TRAK2: variants seen among roughly 807,000 people sequenced by gnomAD.
The protein encoded by TRAK2 is trafficking kinesin-binding protein 2.
A neutral mutation model predicts 104.6 loss-of-function variants in TRAK2; 81 were observed. The observed-to-expected ratio is 0.77, with a 90% CI of 0.65 to 0.93. The LOEUF (loss-of-function observed/expected upper bound fraction) is 0.93, where lower values mean the gene tolerates loss of function less well. TRAK2 is among the 40% of genes least tolerant of loss of function. TRAK2 has a pLI of 0.00. For synonymous variants in TRAK2, 406 were observed against 394.4 expected, an observed-to-expected ratio of 1.03 and a Z score of -0.35; for missense variants, 1,002 against 1,089.0, an observed-to-expected ratio of 0.92 and a Z score of 1.12.
At position 201,379,683 on chromosome 2, in the gene TRAK2, A is replaced by C. The variant is rs953066037; in HGVS notation, c.*860T>G. 1 of 152,582 alleles carries C rather than the reference A, an allele frequency of 6.6e-6. No individual in the cohort carries two copies. The allele number at this position is 152,582 out of a possible 1,614,324, so 9.5% of individuals were successfully genotyped here. ...CAGCCTCCAAGGAATTTTTAAAAACATGCAATTATGTTTGTATTCCTTGGC... is the reference window on the plus strand; with the variant it reads ...CAGCCTCCAAGGAATTTTTAAAAACCTGCAATTATGTTTGTATTCCTTGGC... On this transcript the variant is annotated 3_prime_UTR_variant, in exon 16 of 16. Transcript: ENST00000332624.
At chr2:201,441,198 G>A (rs576730961) in intron 1 of TRAK2, among the ~76,000 whole-genome samples, 18 of 152,318 alleles carry the variant, frequency 1.2e-4, no homozygotes, top group African/African-American at 3.8e-4. Context: ...GAAAAAATCT[G>A]CATAAAAGAG....
At chr2:201,411,254 T>C in intron 2 of TRAK2, 1 of 733,454 alleles carries the variant, frequency 1.4e-6, no homozygotes, top group Non-Finnish European at 2.5e-6. Context: ...TCAACTTCTA[T>C]GCCTGCTCTT....
intron 3 of TRAK2, among the ~76,000 whole-genome samples, chr2:201,402,859 G>A (rs1455604251): frequency 6.6e-6 from 1 of 152,150 alleles, no homozygotes; most frequent in East Asian, 1.9e-4. Flanking sequence ...CTGTGGCGCT[G>A]GTAGTATGCA....
Position 201,380,896 on chromosome 2 carries a change from G to A in TRAK2, c.2392C>T (p.Leu798Phe). ...CGAGAGGCCAAAAAATTTTCAGAGA[G>A]ATGCACTCGAGGCTCAAAGGGTAAA... The part of the protein sequence containing the change: ...SPLPFEPRVH[L>F]SENFLASRPA... Residue 798 changes from leucine to phenylalanine, a missense_variant, in exon 16 of 16, where the codon CTC (leucine) becomes TTC (phenylalanine). By Grantham distance (22) the Leu-to-Phe change is conservative. Transcript: ENST00000332624. The A allele has an allele frequency of 6.2e-7, 1 of 1,614,108 alleles. No homozygotes were observed. Among genetic ancestry groups the A allele is most frequent in the Non-Finnish European group, 8.5e-7 (1 of 1,180,002 alleles).
At chr2:201,429,963 T>G (rs549987972) in intron 1 of TRAK2, among the ~76,000 whole-genome samples, 1 of 152,296 alleles carries the variant, frequency 6.6e-6, no homozygotes, top group Admixed American at 6.5e-5. Flanking sequence ...CTCCCTATCT[T>G]TGCGGTTTTA....
intron 2 of TRAK2, among the ~76,000 whole-genome samples, chr2:201,418,912 G>GA (rs1297722088): frequency 4.6e-5 from 7 of 152,158 alleles, no homozygotes; most frequent in African/African-American, 1.7e-4. Context: ...AAAGACACCA[G>GA]TAAGAAGATG....
intron 7 of TRAK2, 118 bp downstream of exon 7, chr2:201,397,384 C>A: frequency 1.6e-6 from 1 of 608,142 alleles, no homozygotes; most frequent in African/African-American, 1.8e-5. Flanking sequence ...TTTCAGTAAC[C>A]ATTTAAAATT....
In TRAK2 at chr2:201,447,671, G is replaced by A. The variant is rs113153713; in HGVS notation, c.-200+3679C>T. Among the ~76,000 whole-genome samples the A allele has an allele frequency of 1.3e-5, 2 of 152,064 alleles. No individual in the cohort carries two copies. Among genetic ancestry groups the A allele is most frequent in the African/African-American group, 4.8e-5 (2 of 41,404 alleles). ...AGACTGGATTAGAACCCACCCTAAC[G>A]GCTTCATCTGAACTTAATCACCCCA... On this transcript the variant is annotated intron_variant, in intron 1 of 15. Coordinates refer to ENST00000332624, the MANE Select transcript of TRAK2 (RefSeq NM_015049.3). This position sits in a 1 kb window ranked among gnomAD's most constrained non-coding sequence, Gnocchi z 4.1.
chr2:201,440,215 A>AT lies in TRAK2; in HGVS notation c.-200+11134dup, dbSNP rs956674446. Among the ~76,000 whole-genome samples, 131 of 149,798 alleles carry AT rather than the reference A, an allele frequency of 8.7e-4. 1 individual carries two copies. The highest frequency in any genetic ancestry group is 2.6e-3 in the African/African-American group (108 of 40,888). On this transcript the variant is annotated intron_variant, in intron 1 of 15. Transcript: ENST00000332624. ...CTATAGTAAATAATCCCAAATTGCTATTTTTTTTTTAAGATTTTAAGCCCA... is the reference window on the plus strand; with the variant it reads ...CTATAGTAAATAATCCCAAATTGCTATTTTTTTTTTTAAGATTTTAAGCCCA...
chr2:201,386,619 T>A, intron 13 of TRAK2, 135 bp from the exon 14 acceptor site: 1 of 1,210,688 alleles, frequency 8.3e-7, no homozygotes, highest in Non-Finnish European at 1.1e-6. Context: ...AATAATTTGG[T>A]AAAAGCTGCA....
intron 11 of TRAK2, 85 bp downstream of exon 11, chr2:201,389,715 CT>C (rs1238706794): frequency 7.9e-7 from 1 of 1,263,954 alleles, no homozygotes; most frequent in Admixed American, 2.1e-5. Flanking sequence ...ACTACTGAAT[CT>C]CGTAATACTT....
intron 7 of TRAK2, among the ~76,000 whole-genome samples, chr2:201,396,509 C>G (rs984631807): frequency 6.6e-6 from 1 of 152,094 alleles, no homozygotes; most frequent in African/African-American, 2.4e-5. Flanking sequence ...GTACTGAACT[C>G]TATACTGTAT....
chr2:201,418,500 A>G (rs1028412058), intron 2 of TRAK2, among the ~76,000 whole-genome samples: 2 of 152,166 alleles, frequency 1.3e-5, no homozygotes, highest in African/African-American at 4.8e-5. Flanking sequence ...AAAGTTGGAG[A>G]ATTTATATTA....
At chr2:201,388,531 A>C (rs993432482) in intron 12 of TRAK2, among the ~76,000 whole-genome samples, 1 of 152,240 alleles carries the variant, frequency 6.6e-6, no homozygotes, top group Admixed American at 6.5e-5. Flanking sequence ...AAAAGGAAAC[A>C]ACAAAATTTG....
intron 1 of TRAK2, among the ~76,000 whole-genome samples, chr2:201,435,117 C>G (rs566520678): frequency 6.6e-6 from 1 of 152,246 alleles, no homozygotes; most frequent in African/African-American, 2.4e-5. Flanking sequence ...AGTGCAGTGG[C>G]ATGATCTCCA....
chr2:201,430,706 G>T (rs1189858467), intron 1 of TRAK2, among the ~76,000 whole-genome samples: 2 of 152,186 alleles, frequency 1.3e-5, no homozygotes, highest in South Asian at 4.1e-4. Context: ...GGAGTGTCCC[G>T]ATTTTCCAGG....
At chr2:201,439,992 A>G (rs1951907850) in intron 1 of TRAK2, among the ~76,000 whole-genome samples, 1 of 147,754 alleles carries the variant, frequency 6.8e-6, no homozygotes, top group Admixed American at 6.8e-5. Context: ...CTAAATGATG[A>G]GTTAATGGGT....
chr2:201,387,114 A>C (rs143920771), intron 13 of TRAK2, among the ~76,000 whole-genome samples: 2 of 152,350 alleles, frequency 1.3e-5, no homozygotes, highest in Non-Finnish European at 2.9e-5. Context: ...AGGGGTCTTT[A>C]TAAGTTACAC....
chr2:201,406,997 T>C (rs1434989983), intron 3 of TRAK2, among the ~76,000 whole-genome samples: 1 of 152,228 alleles, frequency 6.6e-6, no homozygotes, highest in East Asian at 1.9e-4. Context: ...ACATAATTCT[T>C]GTGACTGTGT....
Sources: gnomAD v4.1 joint callset for allele counts (sites outside exome capture counted in the v4.1 genomes callset) on GRCh38, gnomAD v4.1.1 for gene constraint, Gnocchi (gnomAD v3.1) non-coding constraint, MANE v1.5 for transcripts, NCBI Gene and HGNC (gene_info 2026-07-23, HGNC 2026-07-21) for gene names.